Variants in FOCAD observed in about 807,000 individuals in gnomAD.
FOCAD encodes the protein KIAA1797.
In FOCAD, 198 loss-of-function variants were observed where a neutral mutation model predicts 225.6. The observed-to-expected ratio is 0.88, with a 90% CI of 0.78 to 0.99. The LOEUF (loss-of-function observed/expected upper bound fraction) is 0.99, where lower values mean the gene tolerates loss of function less well. Among genes scored for constraint, FOCAD ranks in the 50% least tolerant of loss-of-function variants. FOCAD has a pLI of 0.00. For synonymous variants in FOCAD, 897 were observed against 755.0 expected (o/e 1.19, Z -3.08); for missense variants, 2,713 against 2,123.6 (o/e 1.28, Z -5.46).
intron 15 of FOCAD, among the ~76,000 whole-genome samples, chr9:20,832,774 A>G (rs1480263661): frequency 6.6e-6 from 1 of 152,060 alleles, no homozygotes; most frequent in Non-Finnish European, 1.5e-5. Context: ...ATGGTGTGGC[A>G]AATGACAGGA....
chr9:20,839,436 A>AT, intron 15 of FOCAD, among the ~76,000 whole-genome samples: 1 of 150,824 alleles, frequency 6.6e-6, no homozygotes, highest in East Asian at 2.0e-4. Flanking sequence ...TTGTTTTTGT[A>AT]TTTTTTGTAG....
At chr9:20,931,249 C>A (rs1835440121) in intron 27 of FOCAD, among the ~76,000 whole-genome samples, 1 of 152,168 alleles carries the variant, frequency 6.6e-6, no homozygotes, top group Non-Finnish European at 1.5e-5. Context: ...GAAGGAAACC[C>A]TGGGCAAAGA....
intron 11 of FOCAD, among the ~76,000 whole-genome samples, chr9:20,791,119 A>C (rs1820482723): frequency 1.3e-5 from 2 of 152,036 alleles, no homozygotes; most frequent in South Asian, 2.1e-4. Context: ...ATGCCTGGAG[A>C]TTATCTAAAG....
intron 11 of FOCAD, among the ~76,000 whole-genome samples, chr9:20,796,992 A>G (rs2131246651): frequency 6.6e-6 from 1 of 152,248 alleles, no homozygotes; most frequent in South Asian, 2.1e-4. Context: ...TAATTTTTGT[A>G]TAAGGTATAA....
chr9:20,813,408 A>C (rs1405964846), intron 11 of FOCAD, among the ~76,000 whole-genome samples: 1 of 152,150 alleles, frequency 6.6e-6, no homozygotes. Context: ...GATTAAAAAA[A>C]ATTTTTTTTG....
intron 15 of FOCAD, among the ~76,000 whole-genome samples, chr9:20,847,472 ATTT>A (rs11338930): frequency 3.0e-4 from 43 of 142,914 alleles, no homozygotes; most frequent in Admixed American, 4.8e-4. Context: ...ATCTGCTCAG[ATTT>A]TTTTTTTTTT....
At chr9:20,850,340 C>T (rs1827525663) in intron 15 of FOCAD, among the ~76,000 whole-genome samples, 1 of 151,342 alleles carries the variant, frequency 6.6e-6, no homozygotes, top group Non-Finnish European at 1.5e-5. Context: ...TTAGGAGGTA[C>T]AAGTGCAGGA....
chr9:20,723,478 A>T (rs1163729287), intron 4 of FOCAD, among the ~76,000 whole-genome samples: 5 of 152,246 alleles, frequency 3.3e-5, no homozygotes, highest in Non-Finnish European at 7.3e-5. Context: ...TGGGTGACAG[A>T]GCGAGACTTG....
chr9:20,752,879 C>T (rs1201989406), intron 5 of FOCAD, among the ~76,000 whole-genome samples: 1 of 151,420 alleles, frequency 6.6e-6, no homozygotes, highest in East Asian at 1.9e-4. Context: ...CTTCACATCC[C>T]TTGTAAGCTG....
upstream of FOCAD, among the ~76,000 whole-genome samples, chr9:20,682,198 A>G (rs932843120): frequency 6.6e-6 from 1 of 152,218 alleles, no homozygotes; most frequent in Non-Finnish European, 1.5e-5. Context: ...AGAACTGTGA[A>G]CAATAAATTT....
Position 20,862,561 on chromosome 9 carries a change from T to C in FOCAD, c.1921-17T>C, listed in dbSNP as rs1246432319. 1.9e-6 allele frequency: 3 copies of C among 1,611,628 alleles called. No individual in the cohort carries two copies. The African/African-American group carries it at 4.0e-5, about 22-fold the overall frequency. On this transcript the variant is annotated splice_polypyrimidine_tract_variant and intron_variant, in intron 15 of 43. Transcript: ENST00000338382. ...TGGAGTCTTGTTAGGTGTTGACCTT[T>C]TCTATTTGCTTCACAGGTTGTTTGC...
chr9:20,715,521 T>A, intron 2 of FOCAD, 111 bp downstream of exon 2: 1 of 441,152 alleles, frequency 2.3e-6, no homozygotes, highest in Admixed American at 4.6e-5. Flanking sequence ...ATGTAGAGAT[T>A]TATATTTTGT....
chr9:20,704,256 C>A (rs1453961304), intron 1 of FOCAD, among the ~76,000 whole-genome samples: 1 of 152,156 alleles, frequency 6.6e-6, no homozygotes, highest in Non-Finnish European at 1.5e-5. Flanking sequence ...TTCGTGTATG[C>A]ACATTGACTT....
intron 21 of FOCAD, among the ~76,000 whole-genome samples, chr9:20,899,120 T>TA (rs1229983810): frequency 4.6e-5 from 7 of 151,862 alleles, no homozygotes; most frequent in African/African-American, 1.7e-4. Context: ...TAGGCTCTGT[T>TA]AAATAGATTT....
chr9:20,656,334 T>C (rs1369239046), upstream of FOCAD, among the ~76,000 whole-genome samples: 1 of 151,972 alleles, frequency 6.6e-6, no homozygotes, highest in Non-Finnish European at 1.5e-5. Flanking sequence ...GGTATCCTTG[T>C]TGACTTTCTG....
At chr9:20,959,300 G>A (rs2132443928) in intron 35 of FOCAD, among the ~76,000 whole-genome samples, 1 of 152,210 alleles carries the variant, frequency 6.6e-6, no homozygotes, top group Non-Finnish European at 1.5e-5. Flanking sequence ...GATTAGTGAT[G>A]CTGAGCAGTT....
chr9:20,854,889 C>G (rs2131641196), intron 15 of FOCAD, among the ~76,000 whole-genome samples: 1 of 151,802 alleles, frequency 6.6e-6, no homozygotes, highest in Middle Eastern at 3.4e-3. Context: ...TGGCAGTTTC[C>G]TTAGCACTTT....
intron 40 of FOCAD, 100 bp downstream of exon 40, chr9:20,986,565 C>T: frequency 9.0e-7 from 1 of 1,108,394 alleles, no homozygotes. Flanking sequence ...TAGTTTAGTG[C>T]TTATTGACAC....
At chr9:20,783,174 A>C (rs1391609945) in intron 10 of FOCAD, among the ~76,000 whole-genome samples, 1 of 152,142 alleles carries the variant, frequency 6.6e-6, no homozygotes, top group Admixed American at 6.5e-5. Flanking sequence ...ATACATAAGT[A>C]CTTGGTTTAC....
Sources: allele counts gnomAD v4.1 joint callset (sites outside exome capture counted in the v4.1 genomes callset), GRCh38; gene constraint gnomAD v4.1.1; transcripts MANE v1.5; gene names NCBI Gene and HGNC (gene_info 2026-07-23, HGNC 2026-07-21).